Variants in DRC11 observed in about 807,000 individuals in gnomAD.
The protein encoded by DRC11 is dynein regulatory complex subunit 11.
chr2:236,390,115 C>T, the DRC11 span, among the ~76,000 whole-genome samples: 1 of 152,130 alleles, frequency 6.6e-6, no homozygotes, highest in Non-Finnish European at 1.5e-5. This position sits in a 1 kb window ranked among gnomAD's most constrained non-coding sequence, Gnocchi z 5.9. Flanking sequence ...TCTATTTCTC[C>T]CTTCAGATAT....
the DRC11 span, among the ~76,000 whole-genome samples, chr2:236,352,767 A>G: frequency 6.6e-6 from 1 of 152,296 alleles, no homozygotes; most frequent in Non-Finnish European, 1.5e-5. This position sits in a 1 kb window ranked among gnomAD's most constrained non-coding sequence, Gnocchi z 7.0. Flanking sequence ...TCATTTTAAC[A>G]GGAAGCACCA....
chr2:236,463,724 C>T, the DRC11 span, among the ~76,000 whole-genome samples: 1 of 152,176 alleles, frequency 6.6e-6, no homozygotes, highest in Non-Finnish European at 1.5e-5. The surrounding 1 kb of genome is among the most constrained non-coding windows in gnomAD (Gnocchi z 5.0). Flanking sequence ...TGCTGCATAA[C>T]AAGTCACTCC....
At chr2:236,358,332 A>G in the DRC11 span, among the ~76,000 whole-genome samples, 1 of 132,328 alleles carries the variant, frequency 7.6e-6, no homozygotes, top group Admixed American at 7.6e-5. Context: ...ATGAATATAT[A>G]TGATATATAG....
At chr2:236,481,939 A>G in the DRC11 span, among the ~76,000 whole-genome samples, 308 of 148,832 alleles carry the variant, frequency 2.1e-3, 1 homozygote, top group Middle Eastern at 3.7e-3. Flanking sequence ...GTATAATTCT[A>G]TGTATAATTC....
At chr2:236,480,652 TGA>T in the DRC11 span, among the ~76,000 whole-genome samples, 2 of 152,226 alleles carry the variant, frequency 1.3e-5, no homozygotes, top group Admixed American at 6.5e-5. Context: ...TGGAGTTTGC[TGA>T]GTTTCCTTAA....
At chr2:236,476,823 T>C in the DRC11 span, among the ~76,000 whole-genome samples, 8 of 152,136 alleles carry the variant, frequency 5.3e-5, no homozygotes, top group African/African-American at 1.7e-4. This position sits in a 1 kb window ranked among gnomAD's most constrained non-coding sequence, Gnocchi z 4.7. Context: ...CCATGGTGGT[T>C]TGCTGCACCT....
chr2:236,377,201 AGTGT>A, the DRC11 span: 3 of 1,552,732 alleles, frequency 1.9e-6, no homozygotes, highest in African/African-American at 4.1e-5. This position sits in a 1 kb window ranked among gnomAD's most constrained non-coding sequence, Gnocchi z 4.9. Flanking sequence ...GAGAAAGCAG[AGTGT>A]CTGTTCCAGA....
chr2:236,322,084 A>G, the DRC11 span, among the ~76,000 whole-genome samples: 1 of 152,228 alleles, frequency 6.6e-6, no homozygotes, highest in African/African-American at 2.4e-5. Flanking sequence ...AGCCTGTGAT[A>G]AGCTCTCCTG....
At chr2:236,343,282 C>T in the DRC11 span, among the ~76,000 whole-genome samples, 3 of 152,222 alleles carry the variant, frequency 2.0e-5, no homozygotes, top group Admixed American at 2.0e-4. The surrounding 1 kb of genome is among the most constrained non-coding windows in gnomAD (Gnocchi z 6.6). Flanking sequence ...GAGGAACATT[C>T]CCGTTCCCCT....
chr2:236,454,823 CTT>C, the DRC11 span: 20 of 152,294 alleles, frequency 1.3e-4, no homozygotes, highest in African/African-American at 3.9e-4. This position sits in a 1 kb window ranked among gnomAD's most constrained non-coding sequence, Gnocchi z 5.3. Flanking sequence ...TTCAAAAAGT[CTT>C]TACTCACCCA....
At chr2:236,404,551 G>A in the DRC11 span, among the ~76,000 whole-genome samples, 3 of 152,194 alleles carry the variant, frequency 2.0e-5, no homozygotes, top group African/African-American at 4.8e-5. Context: ...GTCAAGCAAC[G>A]GTGCTGGTTT....
the DRC11 span, among the ~76,000 whole-genome samples, chr2:236,320,815 C>T: frequency 2.3e-5 from 3 of 130,702 alleles, no homozygotes; most frequent in East Asian, 1.9e-4. Context: ...CAGCTCCCTC[C>T]GCCGGTCCCT....
At chr2:236,341,560 C>A in the DRC11 span, among the ~76,000 whole-genome samples, 1 of 152,084 alleles carries the variant, frequency 6.6e-6, no homozygotes. Flanking sequence ...ACAGAGAATT[C>A]CGGAGTAGGG....
chr2:236,356,617 A>G, the DRC11 span, among the ~76,000 whole-genome samples: 6 of 152,084 alleles, frequency 3.9e-5, no homozygotes, highest in African/African-American at 1.5e-4. Context: ...TAAAATGGGC[A>G]CGTTAATTCC....
chr2:236,414,203 T>C, the DRC11 span, among the ~76,000 whole-genome samples: 1 of 152,218 alleles, frequency 6.6e-6, no homozygotes, highest in Non-Finnish European at 1.5e-5. Flanking sequence ...CACTGGGTCT[T>C]TCAGAGAGCA....
the DRC11 span, among the ~76,000 whole-genome samples, chr2:236,469,544 C>T: frequency 5.9e-5 from 9 of 152,156 alleles, no homozygotes; most frequent in Non-Finnish European, 1.0e-4. This position sits in a 1 kb window ranked among gnomAD's most constrained non-coding sequence, Gnocchi z 5.8. Context: ...TGAGGCTTCC[C>T]GGCTCCTTTA....
chr2:236,340,772 C>T, the DRC11 span, among the ~76,000 whole-genome samples: 1 of 152,162 alleles, frequency 6.6e-6, no homozygotes, highest in African/African-American at 2.4e-5. Flanking sequence ...CCTGAAATGG[C>T]AGGGACATTT....
At chr2:236,315,762 C>A in the DRC11 span, among the ~76,000 whole-genome samples, 1 of 152,124 alleles carries the variant, frequency 6.6e-6, no homozygotes, top group Non-Finnish European at 1.5e-5. The surrounding 1 kb of genome is among the most constrained non-coding windows in gnomAD (Gnocchi z 5.1). Context: ...AACAGAAAAC[C>A]AAACACCGCA....
the DRC11 span, among the ~76,000 whole-genome samples, chr2:236,493,127 T>G: frequency 3.9e-5 from 6 of 152,222 alleles, no homozygotes; most frequent in South Asian, 2.1e-4. Flanking sequence ...GAAAGGCACA[T>G]CTCATATGGC....
Sources: allele counts gnomAD v4.1 joint callset (sites outside exome capture counted in the v4.1 genomes callset), GRCh38; gene constraint gnomAD v4.1.1; non-coding constraint Gnocchi (gnomAD v3.1); transcripts MANE v1.5; gene names NCBI Gene and HGNC (gene_info 2026-07-23, HGNC 2026-07-21).